The following UCMA variants were observed in gnomAD, a reference collection of about 807,000 sequenced individuals.
UCMA encodes upper zone of growth plate and cartilage matrix associated.
A neutral mutation model predicts 21.8 loss-of-function variants in UCMA; 21 were observed. The ratio of observed to expected loss-of-function variants is 0.97; its 90% CI spans 0.68 to 1.39. The LOEUF is 1.39. Among genes scored for constraint, UCMA ranks in the 40% most tolerant of loss-of-function variants. The pLI is 0.00. For missense variants in UCMA, 193 were observed against 178.9 expected (o/e 1.08, Z -0.45); for synonymous variants, 76 against 67.9 (o/e 1.12, Z -0.58).
intron 1 of UCMA, 63 bp from the exon 2 acceptor site, chr10:13,233,863 G>A (rs1834934517): frequency 6.3e-7 from 1 of 1,592,374 alleles, no homozygotes; most frequent in Admixed American, 1.7e-5. Flanking sequence ...CCTGAGCTGA[G>A]TCCCCATCTC....
intron 4 of UCMA, 22 bp downstream of exon 4, chr10:13,229,589 A>T: frequency 6.2e-7 from 1 of 1,606,494 alleles, no homozygotes; most frequent in Non-Finnish European, 8.5e-7. Flanking sequence ...CTCCCTGAAG[A>T]CACTGGCTGA....
At chr10:13,232,577 C>T (rs186468289) in intron 3 of UCMA, among the ~76,000 whole-genome samples, 14 of 152,072 alleles carry the variant, frequency 9.2e-5, no homozygotes, top group African/African-American at 2.9e-4. Context: ...TTTCCTAGCA[C>T]GGTTATACTT....
At chr10:13,224,820 C>G (rs1185478145) in intron 4 of UCMA, among the ~76,000 whole-genome samples, 1 of 152,198 alleles carries the variant, frequency 6.6e-6, no homozygotes, top group Admixed American at 6.5e-5. Context: ...GGCACCGCAG[C>G]TGCCAGAAGT....
rs776276988 is a variant in UCMA at position 13,229,562 on chromosome 10, T to C, written c.319+49A>G. 3.3e-6 allele frequency: 5 copies of C among 1,519,026 alleles called. No homozygotes were observed. The Admixed American group carries it at 7.9e-5, about 24-fold the overall frequency. 94.1% of individuals were successfully genotyped at this position (1,519,026 alleles called of 1,614,324 possible). A position where few individuals can be genotyped will look rare whatever the true frequency, so the allele number is the denominator to read the frequency against. The stretch of plus-strand genomic sequence containing the variant: ...AGAAGAGAAAGCAAACCATGTGATT[T>C]CTCCCCAACGCTCCACCTCCCTGAA... On this transcript the variant is annotated intron_variant, in intron 4 of 4. Coordinates refer to ENST00000378681, the MANE Select transcript of UCMA (RefSeq NM_145314.3).
chr10:13,232,962 C>T (rs1010949076), intron 3 of UCMA, among the ~76,000 whole-genome samples: 3 of 151,458 alleles, frequency 2.0e-5, no homozygotes, highest in South Asian at 4.2e-4. Flanking sequence ...AAAACCTCTG[C>T]TGGCTGAACA....
chr10:13,224,413 AAAAG>A (rs1016326523), intron 4 of UCMA, among the ~76,000 whole-genome samples: 14 of 152,050 alleles, frequency 9.2e-5, no homozygotes, highest in East Asian at 1.9e-4. Flanking sequence ...AAGAGAAAGA[AAAAG>A]AAAGGAAAAG....
At chr10:13,226,739 A>G (rs1478748349) in intron 4 of UCMA, among the ~76,000 whole-genome samples, 1 of 152,178 alleles carries the variant, frequency 6.6e-6, no homozygotes, top group African/African-American at 2.4e-5. Context: ...CAAGGACAAC[A>G]GCTTCTGGAA....
intron 4 of UCMA, among the ~76,000 whole-genome samples, chr10:13,223,877 A>G (rs1183321822): frequency 7.7e-6 from 1 of 130,250 alleles, no homozygotes; most frequent in Non-Finnish European, 1.6e-5. Flanking sequence ...TACAGAGACA[A>G]AAAAAAAAAG....
chr10:13,226,601 A>T (rs1834826635), intron 4 of UCMA, among the ~76,000 whole-genome samples: 1 of 152,204 alleles, frequency 6.6e-6, no homozygotes, highest in Admixed American at 6.5e-5. Context: ...CTGGGATTAC[A>T]CGTGTAAGCC....
intron 3 of UCMA, among the ~76,000 whole-genome samples, chr10:13,231,952 T>C (rs1362779451): frequency 2.6e-5 from 4 of 152,112 alleles, no homozygotes; most frequent in Non-Finnish European, 5.9e-5. Flanking sequence ...GCAGATGCAT[T>C]CATGCACAAT....
chr10:13,229,239 C>A (rs1409007652), intron 4 of UCMA, among the ~76,000 whole-genome samples: 1 of 152,086 alleles, frequency 6.6e-6, no homozygotes, highest in African/African-American at 2.4e-5. Flanking sequence ...CCCGGCCCTC[C>A]CTTCTTTTCA....
chr10:13,225,558 C>T (rs1352576321), intron 4 of UCMA, among the ~76,000 whole-genome samples: 1 of 151,506 alleles, frequency 6.6e-6, no homozygotes, highest in Non-Finnish European at 1.5e-5. Flanking sequence ...GCCTGTAATC[C>T]CAGCTACTCA....
intron 4 of UCMA, among the ~76,000 whole-genome samples, chr10:13,226,698 G>A (rs1334620914): frequency 6.6e-6 from 1 of 152,076 alleles, no homozygotes; most frequent in Non-Finnish European, 1.5e-5. Flanking sequence ...GGATTAGGTG[G>A]CCACTTACAG....
Position 13,226,087 on chromosome 10 carries a change from C to G in UCMA, c.319+3524G>C, listed in dbSNP as rs142985447. 7.5e-3 allele frequency among the ~76,000 whole-genome samples: 1,147 copies of G among 152,242 alleles called. 58 individuals are homozygous for G. The highest frequency in any genetic ancestry group is 0.071 in the Admixed American group (1,081 of 15,290). Reference sequence around the variant, plus strand: ...CATCCTTGATTTACAAGAACAGGAGCTTTGCTGGCAAATAAGCCTTGGGGT... The same window carrying G: ...CATCCTTGATTTACAAGAACAGGAGGTTTGCTGGCAAATAAGCCTTGGGGT... On this transcript the variant is annotated intron_variant, in intron 4 of 4. Transcript: ENST00000378681.
At chr10:13,222,303 T>A in intron 4 of UCMA, 103 bp from the exon 5 acceptor site, 1 of 1,009,574 alleles carries the variant, frequency 9.9e-7, no homozygotes, top group East Asian at 2.5e-5. Context: ...TGACCTGCAC[T>A]GAGAGTGTTT....
At chr10:13,222,768 G>A (rs1027756840) in intron 4 of UCMA, among the ~76,000 whole-genome samples, 13 of 151,610 alleles carry the variant, frequency 8.6e-5, no homozygotes, top group East Asian at 2.0e-4. Flanking sequence ...ATGACTCACC[G>A]CGGCTTCAAC....
chr10:13,225,735 T>A (rs1450033337), intron 4 of UCMA, among the ~76,000 whole-genome samples: 2 of 148,172 alleles, frequency 1.3e-5, no homozygotes, highest in African/African-American at 5.0e-5. Flanking sequence ...GAAACCAGGG[T>A]CCTGACTGAC....
At position 13,222,072 on chromosome 10, in the gene UCMA, C is replaced by A; in HGVS notation, c.*31G>T. On this transcript the variant is annotated 3_prime_UTR_variant, in exon 5 of 5. Coordinates refer to ENST00000378681, the MANE Select transcript of UCMA (RefSeq NM_145314.3). ...ACGGGGATGCCAATGGTGCTACAAG[C>A]TTTGTCTTCTTGGCCGGCTTCAGGA... is the stretch of plus-strand genomic sequence containing the variant. 6.2e-7 allele frequency: 1 copy of A among 1,611,670 alleles called. No homozygotes were observed. The highest frequency in any genetic ancestry group is 8.5e-7 in the Non-Finnish European group (1 of 1,177,872).
chr10:13,231,707 T>C (rs1419452424), intron 3 of UCMA, among the ~76,000 whole-genome samples: 1 of 152,230 alleles, frequency 6.6e-6, no homozygotes, highest in East Asian at 1.9e-4. Context: ...AGTAATTTTA[T>C]ACTATGTGTC....
Sources: allele counts gnomAD v4.1 joint callset (sites outside exome capture counted in the v4.1 genomes callset), GRCh38; gene constraint gnomAD v4.1.1; transcripts MANE v1.5; gene names NCBI Gene and HGNC (gene_info 2026-07-23, HGNC 2026-07-21).